The following CHDH variants were observed in gnomAD, a reference collection of about 807,000 sequenced individuals.
The protein encoded by CHDH is choline dehydrogenase, mitochondrial.
A neutral mutation model predicts 56.9 loss-of-function variants in CHDH; 43 were observed. That is an observed-to-expected ratio of 0.76 (90% confidence interval 0.59 to 0.97). The LOEUF (loss-of-function observed/expected upper bound fraction) is 0.97, where lower values mean the gene tolerates loss of function less well. Among genes scored for constraint, CHDH ranks in the 50% least tolerant of loss-of-function variants. The pLI is 0.00. For synonymous variants in CHDH, 364 were observed against 348.5 expected, an observed-to-expected ratio of 1.04 and a Z score of -0.50; for missense variants, 816 against 821.1, an observed-to-expected ratio of 0.99 and a Z score of 0.08.
At chr3:53,831,730 T>C (rs1446793341) in intron 2 of CHDH, among the ~76,000 whole-genome samples, 3 of 152,160 alleles carry the variant, frequency 2.0e-5, no homozygotes, top group African/African-American at 7.2e-5. Context: ...AGGACTTGAA[T>C]AGACATTTCT....
In CHDH at chr3:53,822,408, C is replaced by T. The variant is rs190305507; in HGVS notation, c.855+83G>A. 178 of 1,341,164 alleles carry T rather than the reference C, an allele frequency of 1.3e-4. No homozygotes were observed. In the African/African-American group the frequency reaches 1.4e-3, roughly 10 times the overall value. 83.1% of individuals were successfully genotyped at this position (1,341,164 alleles called of 1,614,324 possible). On this transcript the variant is annotated intron_variant, in intron 4 of 8. Transcript: ENST00000315251. ...GAGCACGTGGGTCTGGGGGTGAGGG[C>T]GTGACTCCTGCCCACTCTGAGCTGG...
intron 2 of CHDH, among the ~76,000 whole-genome samples, chr3:53,836,995 C>T (rs1369345082): frequency 1.3e-5 from 2 of 152,060 alleles, no homozygotes; most frequent in Non-Finnish European, 2.9e-5. Context: ...CCAGCCTGGG[C>T]AACATAGCAA....
intron 2 of CHDH, among the ~76,000 whole-genome samples, chr3:53,831,322 G>A (rs1377746674): frequency 6.6e-6 from 1 of 152,260 alleles, no homozygotes; most frequent in Non-Finnish European, 1.5e-5. Flanking sequence ...TCTGCCCGGG[G>A]CCTGGGGAAA....
chr3:53,816,245 G>A lies in CHDH; in HGVS notation c.*1532C>T, dbSNP rs929145060. 1.3e-5 allele frequency: 2 copies of A among 149,014 alleles called. No homozygotes were observed. Among genetic ancestry groups the A allele is most frequent in the African/African-American group, 2.5e-5 (1 of 40,578 alleles). 9.2% of individuals were successfully genotyped at this position (149,014 alleles called of 1,614,324 possible). A position where few individuals can be genotyped will look rare whatever the true frequency, so the allele number is the denominator to read the frequency against. ...TATTCTGGGCCTAGTATAGCTGCAG[G>A]TTTCCACGCAACAATGCTTTTCTTC... is the stretch of plus-strand genomic sequence containing the variant. On this transcript the variant is annotated 3_prime_UTR_variant, in exon 9 of 9. Coordinates refer to ENST00000315251, the MANE Select transcript of CHDH (RefSeq NM_018397.5).
chr3:53,825,910 T>C (rs191935059), intron 2 of CHDH, among the ~76,000 whole-genome samples: 126 of 151,996 alleles, frequency 8.3e-4, no homozygotes, highest in Middle Eastern at 6.8e-3. Flanking sequence ...CAGAAGATAA[T>C]GGAGTGACAA....
rs568307934 is a variant in CHDH at position 53,829,576 on chromosome 3, A to G, written c.-59-5509T>C. Among the ~76,000 whole-genome samples the G allele has an allele frequency of 2.6e-5, 4 of 152,282 alleles. No homozygotes were observed. The South Asian group carries it at 8.3e-4, about 32-fold the overall frequency. On this transcript the variant is annotated intron_variant, in intron 2 of 8. Coordinates refer to ENST00000315251, the MANE Select transcript of CHDH (RefSeq NM_018397.5). ...TTTTAAACAGTATTTTAAAACTATA[A>G]TAGAGCCTGACTCCATTTTTGATGT... is the stretch of plus-strand genomic sequence containing the variant.
In CHDH at chr3:53,820,618, G is replaced by T; in HGVS notation, c.986-10C>A. The T allele has an allele frequency of 1.9e-6, 3 of 1,606,688 alleles. No homozygotes were observed. Among genetic ancestry groups the T allele is most frequent in the Non-Finnish European group, 2.5e-6 (3 of 1,176,970 alleles). On this transcript the variant is annotated splice_polypyrimidine_tract_variant and intron_variant, in intron 5 of 8. Transcript: ENST00000315251. ...AGGTTCTGGCCAACCCCTGATACGG[G>T]AAGGAGTGGTTTAGAAAATGGCTAC... is the stretch of plus-strand genomic sequence containing the variant.
chr3:53,822,992 G>A (rs956082980), intron 3 of CHDH, among the ~76,000 whole-genome samples: 1 of 152,120 alleles, frequency 6.6e-6, no homozygotes, highest in Non-Finnish European at 1.5e-5. Flanking sequence ...ACCACTCTGT[G>A]CCTCAGTTTC....
In CHDH at chr3:53,815,064, A is replaced by C. The variant is rs2095613504; in HGVS notation, c.*2713T>G. On this transcript the variant is annotated 3_prime_UTR_variant, in exon 9 of 9. Transcript: ENST00000315251. ...ACAACTCCTGCTTCAGGAACTCACC[A>C]TCTCCAGTCAGGCTGCCAGATGCTC... 1 of 152,180 alleles carries C rather than the reference A, an allele frequency of 6.6e-6. No homozygotes were observed. The highest frequency in any genetic ancestry group is 1.5e-5 in the Non-Finnish European group (1 of 68,060). The allele number at this position is 152,180 out of a possible 1,614,324, so 9.4% of individuals were successfully genotyped here. A position where few individuals can be genotyped will look rare whatever the true frequency, so the allele number is the denominator to read the frequency against.
At chr3:53,831,519 G>T (rs1698333532) in intron 2 of CHDH, among the ~76,000 whole-genome samples, 1 of 152,230 alleles carries the variant, frequency 6.6e-6, no homozygotes, top group African/African-American at 2.4e-5. Flanking sequence ...GGCCACAGGG[G>T]TGCTTGTGTC....
Position 53,820,453 on chromosome 3 carries a change from G to A in CHDH, c.1120+21C>T, listed in dbSNP as rs746005552. 7 of 1,599,868 alleles carry A rather than the reference G, an allele frequency of 4.4e-6. No individual in the cohort carries two copies. The Admixed American group carries it at 8.5e-5, about 19-fold the overall frequency. ...ATGCTTATAGGCAGTCTCCTCCCAG[G>A]TTACTGGTAAGCGTGCTCACCTGTG... On this transcript the variant is annotated intron_variant, in intron 6 of 8. Transcript: ENST00000315251.
At chr3:53,826,636 T>C (rs56375339) in intron 2 of CHDH, among the ~76,000 whole-genome samples, 2,254 of 145,472 alleles carry the variant, frequency 0.015, 58 homozygotes, top group African/African-American at 0.057. Flanking sequence ...ACAAAAACCC[T>C]ACAACTAACA....
At position 53,816,755 on chromosome 3, in the gene CHDH, T is replaced by TAAGTC. The variant is rs1553695264; in HGVS notation, c.*1017_*1021dup. 1 of 151,862 alleles carries TAAGTC rather than the reference T, an allele frequency of 6.6e-6. No homozygotes were observed. The highest frequency in any genetic ancestry group is 1.5e-5 in the Non-Finnish European group (1 of 68,000). The allele number at this position is 151,862 out of a possible 1,614,324, so 9.4% of individuals were successfully genotyped here. On this transcript the variant is annotated 3_prime_UTR_variant, in exon 9 of 9. Coordinates refer to ENST00000315251, the MANE Select transcript of CHDH (RefSeq NM_018397.5). ...GTAAAAGGAAAACCTTTTAAAATGCTAAGTCATAAAACCTTTGGTAGTGAA... is the reference window on the plus strand; with the variant it reads ...GTAAAAGGAAAACCTTTTAAAATGCTAAGTCAAGTCATAAAACCTTTGGTAGTGAA...
At chr3:53,839,252 A>T (rs1291587402) in intron 2 of CHDH, among the ~76,000 whole-genome samples, 1 of 152,250 alleles carries the variant, frequency 6.6e-6, no homozygotes, top group Non-Finnish European at 1.5e-5. Context: ...CCTGAATCTG[A>T]TCACACTTCT....
intron 4 of CHDH, 138 bp downstream of exon 4, chr3:53,822,353 A>T: frequency 1.3e-6 from 1 of 754,538 alleles, no homozygotes; most frequent in Non-Finnish European, 2.1e-6. Context: ...GCCATCAGCT[A>T]CTCGCCCCTC....
In CHDH at chr3:53,835,370, C is replaced by A. The variant is rs556821630; in HGVS notation, c.-60+5559G>T. 2.6e-4 allele frequency among the ~76,000 whole-genome samples: 40 copies of A among 152,232 alleles called. 1 individual carries two copies. The highest frequency in any genetic ancestry group is 2.6e-3 in the Admixed American group (40 of 15,290). ...CAAAGCCCAGAAAGTTACTTTACAG[C>A]CCTGAATCTTGGCACCCTGAAGTCA... is the stretch of plus-strand genomic sequence containing the variant. On this transcript the variant is annotated intron_variant, in intron 2 of 8. Coordinates refer to ENST00000315251, the MANE Select transcript of CHDH (RefSeq NM_018397.5).
chr3:53,841,320 T>C (rs1254982495), intron 1 of CHDH, among the ~76,000 whole-genome samples: 1 of 152,132 alleles, frequency 6.6e-6, no homozygotes, highest in African/African-American at 2.4e-5. Context: ...AAATCTTCCC[T>C]TCCCACTGTC....
chr3:53,830,973 C>G (rs1168180198), intron 2 of CHDH, among the ~76,000 whole-genome samples: 5 of 152,222 alleles, frequency 3.3e-5, no homozygotes, highest in Non-Finnish European at 7.3e-5. Flanking sequence ...CTTGGGTTCC[C>G]TGATTCCAGG....
At position 53,824,044 on chromosome 3, in the gene CHDH, G is replaced by A; in HGVS notation, c.-36C>T. The A allele has an allele frequency of 1.4e-6, 2 of 1,415,212 alleles. No individual in the cohort carries two copies. The highest frequency in any genetic ancestry group is 1.8e-6 in the Non-Finnish European group (2 of 1,090,744). 87.7% of individuals were successfully genotyped at this position (1,415,212 alleles called of 1,614,324 possible). A position where few individuals can be genotyped will look rare whatever the true frequency, so the allele number is the denominator to read the frequency against. On this transcript the variant is annotated 5_prime_UTR_variant, in exon 3 of 9. Coordinates refer to ENST00000315251, the MANE Select transcript of CHDH (RefSeq NM_018397.5). ...AGTCCAAGTCCTCTGATCCACGGAG[G>A]GGAATGAGATGACTCACTTCTCCCT... is the stretch of plus-strand genomic sequence containing the variant.
Sources: gnomAD v4.1 joint callset for allele counts (sites outside exome capture counted in the v4.1 genomes callset) on GRCh38, gnomAD v4.1.1 for gene constraint, MANE v1.5 for transcripts, NCBI Gene and HGNC (gene_info 2026-07-23, HGNC 2026-07-21) for gene names.